Variants in PARD3 observed in about 807,000 individuals in gnomAD.
The protein encoded by PARD3 is par-3 family cell polarity regulator, also known as partitioning defective 3 homolog.
Under a neutral mutation model 155.4 loss-of-function variants are expected in PARD3, and 75 were observed. The observed-to-expected ratio is 0.48, with a 90% confidence interval of 0.40 to 0.58. PARD3 has a LOEUF of 0.58. Ranked by LOEUF, PARD3 falls within the 20% of genes least tolerant of loss-of-function variation. The pLI is 0.00. For synonymous variants in PARD3, 576 were observed against 610.5 expected (o/e 0.94, Z 0.83); for missense variants, 1,642 against 1,721.7 (o/e 0.95, Z 0.82).
intron 21 of PARD3, among the ~76,000 whole-genome samples, chr10:34,275,988 A>C (rs1955858352): frequency 6.6e-6 from 1 of 152,146 alleles, no homozygotes; most frequent in Non-Finnish European, 1.5e-5. Context: ...AAAACCCAGC[A>C]AAAGACATAA....
chr10:34,349,945 G>C (rs1175363808), intron 14 of PARD3, among the ~76,000 whole-genome samples: 1 of 152,110 alleles, frequency 6.6e-6, no homozygotes, highest in East Asian at 1.9e-4. Flanking sequence ...AGGTTTTCTA[G>C]AGAAAAACAG....
At chr10:34,328,821 A>T (rs1195585418) in intron 19 of PARD3, among the ~76,000 whole-genome samples, 1 of 152,236 alleles carries the variant, frequency 6.6e-6, no homozygotes, top group Non-Finnish European at 1.5e-5. Flanking sequence ...TTCAACAACC[A>T]AAATTGGAAA....
At chr10:34,684,866 T>TATACACAC (rs2093925466) in intron 2 of PARD3, among the ~76,000 whole-genome samples, 3 of 103,544 alleles carry the variant, frequency 2.9e-5, no homozygotes, top group African/African-American at 1.0e-4. Flanking sequence ...CATGTATATA[T>TATACACAC]ATACACACAC....
rs76882086 is a variant in PARD3 at position 34,771,470 on chromosome 10, A to G, written c.120+43406T>C. ...GCTGGCTACAGTTATTATCACCATC[A>G]TCAAGATCATGACTATGTCATTAGC... On this transcript the variant is annotated intron_variant, in intron 1 of 24. Coordinates refer to ENST00000374788, the MANE Select transcript of PARD3 (RefSeq NM_001184785.2). Among the ~76,000 whole-genome samples, 503 of 152,386 alleles carry G rather than the reference A, an allele frequency of 3.3e-3. 3 individuals carry two copies. The highest frequency in any genetic ancestry group is 0.011 in the African/African-American group (437 of 41,594).
At chr10:34,601,591 C>T (rs2089788224) in intron 2 of PARD3, among the ~76,000 whole-genome samples, 1 of 152,184 alleles carries the variant, frequency 6.6e-6, no homozygotes, top group Admixed American at 6.5e-5. Flanking sequence ...GCCCACCCCA[C>T]AGGTATCGAG....
intron 22 of PARD3, among the ~76,000 whole-genome samples, chr10:34,231,182 ATACTC>A (rs1277500061): frequency 6.7e-6 from 1 of 148,474 alleles, no homozygotes; most frequent in Non-Finnish European, 1.5e-5. Context: ...ATAGCTTTAT[ATACTC>A]TATTCTTACA....
At chr10:34,113,516 CACACACAT>C (rs975084945) in intron 24 of PARD3, among the ~76,000 whole-genome samples, 3 of 150,706 alleles carry the variant, frequency 2.0e-5, no homozygotes, top group Admixed American at 6.6e-5. Flanking sequence ...CACACACACA[CACACACAT>C]AGACACACAC....
chr10:34,206,115 A>G (rs1043908057), intron 22 of PARD3, among the ~76,000 whole-genome samples: 1 of 152,108 alleles, frequency 6.6e-6, no homozygotes, highest in African/African-American at 2.4e-5. Flanking sequence ...TAATTTGACC[A>G]CCTCTTCACT....
intron 1 of PARD3, among the ~76,000 whole-genome samples, chr10:34,775,556 T>C (rs1036449384): frequency 2.2e-4 from 34 of 152,166 alleles, no homozygotes; most frequent in Admixed American, 2.0e-3. Flanking sequence ...GGACCAAGCC[T>C]GGGCAGGCAA....
intron 3 of PARD3, among the ~76,000 whole-genome samples, chr10:34,493,128 T>C (rs146490022): frequency 2.0e-4 from 30 of 152,334 alleles, no homozygotes; most frequent in South Asian, 4.1e-4. Context: ...TGGAGTGGTG[T>C]TGAGTATCTG....
At chr10:34,767,808 T>C (rs1364294932) in intron 1 of PARD3, among the ~76,000 whole-genome samples, 1 of 151,950 alleles carries the variant, frequency 6.6e-6, no homozygotes, top group East Asian at 2.0e-4. Flanking sequence ...ACAAAAATAT[T>C]GTCTGGACAT....
chr10:34,438,655 C>A (rs969892468), intron 5 of PARD3, among the ~76,000 whole-genome samples: 9 of 151,860 alleles, frequency 5.9e-5, no homozygotes, highest in Non-Finnish European at 1.3e-4. Flanking sequence ...TCACTAGGAG[C>A]TATAGTAAAC....
At chr10:34,448,945 G>C (rs1488635955) in intron 5 of PARD3, among the ~76,000 whole-genome samples, 3 of 140,892 alleles carry the variant, frequency 2.1e-5, no homozygotes, top group Non-Finnish European at 4.5e-5. Context: ...TTGAGAGAGA[G>C]TCTCACTCTG....
chr10:34,127,253 G>A (rs896264879), intron 23 of PARD3, among the ~76,000 whole-genome samples: 10 of 152,138 alleles, frequency 6.6e-5, no homozygotes, highest in Non-Finnish European at 1.2e-4. Flanking sequence ...TCTCGCATGT[G>A]GATACAATGT....
chr10:34,758,726 A>G (rs2134000287), intron 1 of PARD3, among the ~76,000 whole-genome samples: 1 of 152,336 alleles, frequency 6.6e-6, no homozygotes, highest in South Asian at 2.1e-4. Flanking sequence ...AGAAGAAAAA[A>G]ATTCCTGAGA....
intron 1 of PARD3, among the ~76,000 whole-genome samples, chr10:34,762,268 GAGAGACAA>G (rs925529822): frequency 4.2e-5 from 6 of 142,694 alleles, no homozygotes; most frequent in African/African-American, 1.3e-4. Flanking sequence ...GGGAGAGAGA[GAGAGACAA>G]AGAGACAGAG....
At chr10:34,579,868 A>G (rs527560211) in intron 2 of PARD3, among the ~76,000 whole-genome samples, 26 of 150,250 alleles carry the variant, frequency 1.7e-4, no homozygotes, top group Non-Finnish European at 3.5e-4. Context: ...GGCCTCCCAA[A>G]GTGCTGGGAT....
intron 5 of PARD3, among the ~76,000 whole-genome samples, chr10:34,420,656 A>C (rs1846096517): frequency 6.6e-6 from 1 of 152,174 alleles, no homozygotes. Flanking sequence ...TACATATTTT[A>C]CATGTACATG....
intron 22 of PARD3, among the ~76,000 whole-genome samples, chr10:34,180,150 C>T (rs1223102677): frequency 3.3e-5 from 5 of 152,038 alleles, no homozygotes; most frequent in African/African-American, 4.8e-5. Context: ...CGGGTTCAAG[C>T]GATTCTCCTG....
Sources: gnomAD v4.1 joint callset for allele counts (sites outside exome capture counted in the v4.1 genomes callset) on GRCh38, gnomAD v4.1.1 for gene constraint, MANE v1.5 for transcripts, NCBI Gene and HGNC (gene_info 2026-07-23, HGNC 2026-07-21) for gene names.